CWC25: variants seen among roughly 807,000 people sequenced by gnomAD.
The protein encoded by CWC25 is pre-mRNA-splicing factor CWC25 homolog.
Under a neutral mutation model 54.6 loss-of-function variants are expected in CWC25, and 31 were observed. The observed-to-expected ratio is 0.57, with a 90% CI of 0.43 to 0.77. The LOEUF (loss-of-function observed/expected upper bound fraction) is 0.77, where lower values mean the gene tolerates loss of function less well. Ranked by LOEUF, CWC25 falls within the 30% of genes least tolerant of loss-of-function variation. The probability of loss-of-function intolerance (pLI) is 0.00; values close to 1 mark genes in which losing one functional copy is unlikely to be tolerated. For synonymous variants in CWC25, 151 were observed against 187.0 expected (o/e 0.81, Z 1.57); for missense variants, 453 against 529.3 (o/e 0.86, Z 1.41).
intron 8 of CWC25, among the ~76,000 whole-genome samples, chr17:38,805,996 G>C (rs1911220104): frequency 6.6e-6 from 1 of 151,944 alleles, no homozygotes; most frequent in Admixed American, 6.6e-5. Context: ...ATTTTTAGTA[G>C]AGATGGGGTT....
intron 2 of CWC25, among the ~76,000 whole-genome samples, chr17:38,819,689 G>C (rs578012682): frequency 3.4e-4 from 49 of 145,184 alleles, no homozygotes; most frequent in East Asian, 2.5e-3. Context: ...TTTTTTGTTT[G>C]TTCGTTTTTT....
Position 38,825,100 on chromosome 17 carries a change from C to A in CWC25, c.18+66G>T. The A allele has an allele frequency of 5.1e-6, 7 of 1,378,938 alleles. 1 individual carries two copies. The allele number at this position is 1,378,938 out of a possible 1,614,324, so 85.4% of individuals were successfully genotyped here. ...CCATGGTTATCCACTCCTTCCTCTA[C>A]CCCCACCCCCTGCCAATTTCCGTCC... On this transcript the variant is annotated intron_variant, in intron 1 of 9. Coordinates refer to ENST00000614790, the MANE Select transcript of CWC25 (RefSeq NM_017748.5).
At chr17:38,814,517 G>C (rs1435949992) in intron 3 of CWC25, among the ~76,000 whole-genome samples, 1 of 151,574 alleles carries the variant, frequency 6.6e-6, no homozygotes, top group East Asian at 2.0e-4. Context: ...GAGGCGGGCG[G>C]ATCACAAGGT....
intron 1 of CWC25, among the ~76,000 whole-genome samples, chr17:38,824,896 G>T (rs1027940764): frequency 6.6e-6 from 1 of 151,810 alleles, no homozygotes; most frequent in Non-Finnish European, 1.5e-5. Flanking sequence ...CCCCCTCCCC[G>T]GTCTTCCCAG....
intron 2 of CWC25, among the ~76,000 whole-genome samples, chr17:38,820,454 C>G (rs1277865235): frequency 1.3e-5 from 2 of 151,988 alleles, no homozygotes; most frequent in Admixed American, 6.6e-5. Context: ...GACAAGCATA[C>G]CATCCACCTT....
Position 38,815,083 on chromosome 17 carries a change from T to C in CWC25, c.206A>G (p.Lys69Arg). 3.1e-6 allele frequency: 5 copies of C among 1,612,204 alleles called. No individual in the cohort carries two copies. Among genetic ancestry groups the C allele is most frequent in the Non-Finnish European group, 4.2e-6 (5 of 1,179,248 alleles). ...AGGACCCTGGTACATCCAGTCCAACTTTTCTTCTTTTTTCCTGGTTCAAGG... is the reference window on the plus strand; with the variant it reads ...AGGACCCTGGTACATCCAGTCCAACCTTTCTTCTTTTTTCCTGGTTCAAGG... ...DVGAVKKKEE[K>R]LDWMYQGPGG... Residue 69 changes from lysine (K) to arginine (R), a missense_variant, in exon 3 of 10, where the codon AAG becomes AGG. Around this residue, in one of 2 missense-constraint regions of CWC25, gnomAD observed 444 missense variants for 499.2 expected, o/e 0.89. Transcript: ENST00000614790.
chr17:38,813,898 T>A (rs1185175521), intron 3 of CWC25, among the ~76,000 whole-genome samples: 2 of 149,720 alleles, frequency 1.3e-5, no homozygotes, highest in Non-Finnish European at 3.0e-5. Context: ...GTCTCGCTCT[T>A]TCGTCCAGGC....
intron 2 of CWC25, among the ~76,000 whole-genome samples, chr17:38,819,849 T>A (rs1911852387): frequency 6.6e-6 from 1 of 151,790 alleles, no homozygotes; most frequent in South Asian, 2.1e-4. Flanking sequence ...ATTTTTGTAT[T>A]TTAATAGAGA....
Position 38,806,377 on chromosome 17 carries a change from G to A in CWC25, c.921C>T (p.Asn307=), listed in dbSNP as rs748245455. The A allele has an allele frequency of 5.0e-6, 8 of 1,613,578 alleles. No individual in the cohort carries two copies. The South Asian group carries it at 7.7e-5, about 16-fold the overall frequency. ...TCCTAGTTTGGCCTGTCTCTCTCCT[G>A]TTCACCTTAGAGTTGTGCCTGTAGC... ...RPSKLHNSKV[N]RRETGQTRSP... The change falls in exon 8 of 10, where the codon AAC becomes AAT. Residue 307 remains asparagine, a synonymous_variant. Coordinates refer to ENST00000614790, the MANE Select transcript of CWC25 (RefSeq NM_017748.5).
At chr17:38,818,251 G>A (rs560083580) in intron 2 of CWC25, among the ~76,000 whole-genome samples, 4 of 151,032 alleles carry the variant, frequency 2.6e-5, no homozygotes, top group Non-Finnish European at 4.4e-5. Flanking sequence ...ACTCCAGCCC[G>A]GGCGACAGAA....
In CWC25 at chr17:38,806,948, A is replaced by G; in HGVS notation, c.719T>C (p.Leu240Pro). The change falls in exon 7 of 10, where the codon CTT (leucine) becomes CCT (proline). Residue 240 changes from leucine to proline, a missense_variant. Leu to Pro is a moderately conservative substitution (Grantham distance 98). Coordinates refer to ENST00000614790, the MANE Select transcript of CWC25 (RefSeq NM_017748.5). Reference sequence around the variant, plus strand: ...TTGCTCTGCTGTCAGAGGACCCTGAAGACCCTGGTTACGGTCAGAGTTCCG... The same window carrying G: ...TTGCTCTGCTGTCAGAGGACCCTGAGGACCCTGGTTACGGTCAGAGTTCCG... Reference protein sequence around the residue: ...QVRNSDRNQGLQGPLTAEQKR... With the variant: ...QVRNSDRNQGPQGPLTAEQKR... 6.2e-7 allele frequency: 1 copy of G among 1,613,612 alleles called. No individual in the cohort carries two copies. Among genetic ancestry groups the G allele is most frequent in the Non-Finnish European group, 8.5e-7 (1 of 1,179,754 alleles).
In CWC25 at chr17:38,825,292, G is replaced by C. The variant is rs995486829; in HGVS notation, c.-109C>G. The C allele has an allele frequency of 1.2e-5, 14 of 1,154,858 alleles. No individual in the cohort carries two copies. The highest frequency in any genetic ancestry group is 2.0e-4 in the Middle Eastern group (1 of 4,982). 71.5% of individuals were successfully genotyped at this position (1,154,858 alleles called of 1,614,324 possible). A position where few individuals can be genotyped will look rare whatever the true frequency, so the allele number is the denominator to read the frequency against. On this transcript the variant is annotated 5_prime_UTR_variant, in exon 1 of 10. Coordinates refer to ENST00000614790, the MANE Select transcript of CWC25 (RefSeq NM_017748.5). ...TACCTCGCGGGATCTAGTCCCAGGAGCCGTCAACTGCCAGTTTCACCACCG... is the reference window on the plus strand; with the variant it reads ...TACCTCGCGGGATCTAGTCCCAGGACCCGTCAACTGCCAGTTTCACCACCG...
At chr17:38,806,432 T>C (rs773803386) in intron 7 of CWC25, 37 bp from the exon 8 acceptor site, 1 of 1,566,976 alleles carries the variant, frequency 6.4e-7, no homozygotes, top group South Asian at 1.1e-5. Flanking sequence ...GAAAAAGCCT[T>C]TTTGGTCCAG....
intron 6 of CWC25, among the ~76,000 whole-genome samples, chr17:38,808,238 C>T (rs1911334845): frequency 2.2e-5 from 3 of 135,554 alleles, no homozygotes; most frequent in Admixed American, 8.1e-5. Context: ...AAAAATTAGC[C>T]GGGTGTGGTG....
intron 3 of CWC25, among the ~76,000 whole-genome samples, chr17:38,813,869 G>T (rs1911589552): frequency 6.6e-6 from 1 of 151,558 alleles, no homozygotes; most frequent in African/African-American, 2.4e-5. Context: ...TGTTGTTGTT[G>T]TTGTTTTTTC....
intron 6 of CWC25, among the ~76,000 whole-genome samples, chr17:38,809,285 G>A (rs896503663): frequency 4.0e-5 from 6 of 151,514 alleles, no homozygotes; most frequent in South Asian, 2.1e-4. Context: ...AAAATTAGTC[G>A]GGCGTGGTGG....
intron 1 of CWC25, among the ~76,000 whole-genome samples, chr17:38,822,299 G>A (rs566012361): frequency 1.1e-4 from 16 of 152,184 alleles, no homozygotes; most frequent in African/African-American, 3.9e-4. Flanking sequence ...TCGACCTCAG[G>A]TGATCCGCCT....
At chr17:38,821,127 G>A (rs1295182161) in intron 1 of CWC25, 54 bp from the exon 2 acceptor site, 3 of 1,562,564 alleles carry the variant, frequency 1.9e-6, no homozygotes, top group Admixed American at 1.8e-5. Flanking sequence ...TGAGTGGTGG[G>A]TATAACTAGC....
intron 1 of CWC25, among the ~76,000 whole-genome samples, chr17:38,822,969 C>G (rs1322135190): frequency 4.0e-5 from 6 of 150,734 alleles, no homozygotes; most frequent in Non-Finnish European, 8.8e-5. Context: ...TCCTGAGTAG[C>G]TGGGACTACA....
Sources: allele counts gnomAD v4.1 joint callset (sites outside exome capture counted in the v4.1 genomes callset), GRCh38; gene constraint gnomAD v4.1.1; regional missense constraint gnomAD v4.1.1; transcripts MANE v1.5; gene names NCBI Gene and HGNC (gene_info 2026-07-23, HGNC 2026-07-21).